PRMT8: variants seen among roughly 807,000 people sequenced by gnomAD.
PRMT8 encodes protein arginine methyltransferase 8.
A neutral mutation model predicts 47.1 loss-of-function variants in PRMT8; 7 were observed. The ratio of observed to expected loss-of-function variants is 0.15; its 90% CI spans 0.08 to 0.28. PRMT8 has a LOEUF of 0.28. Ranked by LOEUF, PRMT8 falls within the 10% of genes least tolerant of loss-of-function variation. The pLI is 1.00. For synonymous variants in PRMT8, 188 were observed against 186.5 expected (o/e 1.01, Z -0.07); for missense variants, 237 against 505.4 (o/e 0.47, Z 5.09).
chr12:3,555,612 T>C (rs1866513071), intron 4 of PRMT8, among the ~76,000 whole-genome samples: 1 of 152,176 alleles, frequency 6.6e-6, no homozygotes, highest in Non-Finnish European at 1.5e-5. Context: ...GGAGGTGGCT[T>C]CTCTATGGAG....
intron 8 of PRMT8, among the ~76,000 whole-genome samples, chr12:3,591,274 G>C (rs947495752): frequency 6.6e-6 from 1 of 152,126 alleles, no homozygotes; most frequent in South Asian, 2.1e-4. Context: ...GCCAGCATTA[G>C]GGCTGTGGAA....
intron 1 of PRMT8, among the ~76,000 whole-genome samples, chr12:3,442,087 G>A (rs1055280463): frequency 1.3e-5 from 2 of 152,094 alleles, no homozygotes; most frequent in East Asian, 3.9e-4. Flanking sequence ...GCATAGCACC[G>A]AATTCTTAAC....
At chr12:3,545,632 G>T (rs1187569864) in intron 2 of PRMT8, among the ~76,000 whole-genome samples, 1 of 152,172 alleles carries the variant, frequency 6.6e-6, no homozygotes, top group Non-Finnish European at 1.5e-5. Flanking sequence ...AAGAGAAGTT[G>T]GGAAATGTAG....
At chr12:3,440,095 C>T (rs1471731091) in intron 1 of PRMT8, among the ~76,000 whole-genome samples, 3 of 152,134 alleles carry the variant, frequency 2.0e-5, no homozygotes, top group Admixed American at 1.3e-4. Context: ...ACATGGGGGT[C>T]CCCACACAGA....
Position 3,491,278 on chromosome 12 carries a change from T to A in PRMT8, c.-348T>A. 1 of 1,115,884 alleles carries A rather than the reference T, an allele frequency of 9.0e-7. No homozygotes were observed. Among genetic ancestry groups the A allele is most frequent in the South Asian group, 2.9e-5 (1 of 34,188 alleles). The allele number at this position is 1,115,884 out of a possible 1,614,324, so 69.1% of individuals were successfully genotyped here. ...GGCCGGCCGGACTTTGCGAGCAGCC[T>A]GGAGAGGATCCGCGACCGCCGCCGC... On this transcript the variant is annotated 5_prime_UTR_variant, in exon 1 of 10. Transcript: ENST00000382622.
chr12:3,524,663 G>C (rs1371984686), intron 1 of PRMT8, among the ~76,000 whole-genome samples: 1 of 118,704 alleles, frequency 8.4e-6, no homozygotes, highest in Non-Finnish European at 1.8e-5. Context: ...AAAAAAAAAA[G>C]CACCTGAAGC....
intron 1 of PRMT8, among the ~76,000 whole-genome samples, chr12:3,383,458 T>G (rs567222118): frequency 2.6e-5 from 4 of 152,362 alleles, no homozygotes; most frequent in Admixed American, 2.6e-4. Context: ...AAAATTCATA[T>G]GTAGTGGTAT....
At chr12:3,592,753 C>A (rs1307358806) in intron 9 of PRMT8, among the ~76,000 whole-genome samples, 1 of 152,212 alleles carries the variant, frequency 6.6e-6, no homozygotes, top group Non-Finnish European at 1.5e-5. Flanking sequence ...ACTTTCGGGG[C>A]AGCCCCAGGT....
chr12:3,435,507 T>C (rs1311708548), intron 1 of PRMT8, among the ~76,000 whole-genome samples: 2 of 151,932 alleles, frequency 1.3e-5, no homozygotes, highest in Non-Finnish European at 2.9e-5. Flanking sequence ...TCATGTTTTT[T>C]TTTTTCTTCT....
At chr12:3,541,109 T>G (rs1269820466) in intron 2 of PRMT8, among the ~76,000 whole-genome samples, 1 of 152,254 alleles carries the variant, frequency 6.6e-6, no homozygotes, top group Admixed American at 6.5e-5. Flanking sequence ...TCATCCATTG[T>G]GGGCTGGATA....
chr12:3,537,950 G>A lies in PRMT8; in HGVS notation c.76-2656G>A, dbSNP rs548421365. ...CCTAAAGAGGAGCCCAAACACAGAA[G>A]TCACTGCTTCCCTGGTTACAAACCG... On this transcript the variant is annotated intron_variant, in intron 1 of 9. Coordinates refer to ENST00000382622, the MANE Select transcript of PRMT8 (RefSeq NM_019854.5). 2.0e-5 allele frequency among the ~76,000 whole-genome samples: 3 copies of A among 152,280 alleles called. No individual in the cohort carries two copies. The South Asian group carries it at 6.2e-4, about 32-fold the overall frequency.
chr12:3,403,612 G>A (rs886584399), intron 1 of PRMT8, among the ~76,000 whole-genome samples: 2 of 151,998 alleles, frequency 1.3e-5, no homozygotes, highest in African/African-American at 4.8e-5. Flanking sequence ...GAGTGCGGTG[G>A]CTCACGACTG....
chr12:3,591,003 T>C (rs1419343800), intron 8 of PRMT8, among the ~76,000 whole-genome samples: 4 of 151,914 alleles, frequency 2.6e-5, no homozygotes, highest in Non-Finnish European at 4.4e-5. Flanking sequence ...CAGGGTGCCT[T>C]GGGAGCTCTC....
intron 4 of PRMT8, 151 bp from the exon 5 acceptor site, chr12:3,568,555 T>C: frequency 2.5e-6 from 2 of 806,694 alleles, no homozygotes; most frequent in Admixed American, 2.8e-5. Context: ...TATGTTGGTA[T>C]AAACTAGTTT....
At position 3,457,401 on chromosome 12, in the gene PRMT8, T is replaced by C. The variant is rs75108408; in HGVS notation, c.48+75959T>C. On this transcript the variant is annotated intron_variant, in intron 1 of 9. Transcript: ENST00000452611. ...CATAGCTCACTGTAACCTTGAACTCTTGACTCAAGTGGTCCTCCTACCTCA... is the reference window on the plus strand; with the variant it reads ...CATAGCTCACTGTAACCTTGAACTCCTGACTCAAGTGGTCCTCCTACCTCA... Among the ~76,000 whole-genome samples the C allele has an allele frequency of 8.8e-3, 1,341 of 152,286 alleles. 19 individuals carry two copies. The highest frequency in any genetic ancestry group is 0.031 in the African/African-American group (1,270 of 41,546).
At chr12:3,458,466 C>G (rs1274567400) in intron 1 of PRMT8, among the ~76,000 whole-genome samples, 1 of 152,230 alleles carries the variant, frequency 6.6e-6, no homozygotes, top group Admixed American at 6.5e-5. Context: ...GGCACAGACA[C>G]CAGCCTGCCA....
chr12:3,509,021 G>A (rs1020490092), intron 1 of PRMT8, among the ~76,000 whole-genome samples: 44 of 152,110 alleles, frequency 2.9e-4, no homozygotes, highest in African/African-American at 8.2e-4. Flanking sequence ...GTCCCTGTTC[G>A]TGTCTCTTCA....
intron 1 of PRMT8, among the ~76,000 whole-genome samples, chr12:3,385,952 C>G (rs973366352): frequency 2.6e-5 from 4 of 152,200 alleles, no homozygotes; most frequent in African/African-American, 9.6e-5. Context: ...CTCAGCCATT[C>G]TTTTGTTCAA....
At chr12:3,411,482 C>T (rs1284039433) in intron 1 of PRMT8, among the ~76,000 whole-genome samples, 1 of 152,192 alleles carries the variant, frequency 6.6e-6, no homozygotes, top group Non-Finnish European at 1.5e-5. Context: ...GGAGGTGGAA[C>T]TTTCAACAAT....
Sources: allele counts gnomAD v4.1 joint callset (sites outside exome capture counted in the v4.1 genomes callset), GRCh38; gene constraint gnomAD v4.1.1; transcripts MANE v1.5; gene names NCBI Gene and HGNC (gene_info 2026-07-23, HGNC 2026-07-21).